The following GPR50 variants were observed in gnomAD, a reference collection of about 807,000 sequenced individuals.
The protein encoded by GPR50 is melatonin-related receptor.
A neutral mutation model predicts 2.6 loss-of-function variants in GPR50; 1 was observed. The observed-to-expected ratio is 0.38, with a 90% CI of 0.13 to 1.79. GPR50 has a LOEUF of 1.79. Ranked by LOEUF, GPR50 falls within the 40% of genes most tolerant of loss-of-function variation. The pLI is 0.33. For missense variants in GPR50, 535 were observed against 522.1 expected (o/e 1.02, Z -0.24); for synonymous variants, 233 against 202.3 (o/e 1.15, Z -1.29).
chrX:151,180,506 T>C lies in GPR50; in HGVS notation c.923T>C (p.Ile308Thr). The change falls in exon 2 of 2, where the codon ATC (isoleucine) becomes ACC (threonine). Residue 308 changes from isoleucine (I) to threonine (T), a missense_variant. Physicochemically the swap from Ile to Thr is moderately conservative, Grantham distance 89. Coordinates refer to ENST00000218316, the MANE Select transcript of GPR50 (RefSeq NM_004224.3). The stretch of plus-strand genomic sequence containing the variant: ...AATTTCCGAAGAGAATACTGGACCA[T>C]CTTCCATGCTATGCGGCACCCTATC... ...NENFRREYWT[I>T]FHAMRHPIIF... The C allele has an allele frequency of 8.3e-7, 1 of 1,211,175 alleles. No homozygotes were observed. The highest frequency in any genetic ancestry group is 1.1e-6 in the Non-Finnish European group (1 of 895,265).
Position 151,180,237 on chromosome X carries a change from C to T in GPR50, c.654C>T (p.Ala218=), listed in dbSNP as rs866898264. Residue 218 remains alanine, a synonymous_variant, in exon 2 of 2, where the codon GCC becomes GCT. Coordinates refer to ENST00000218316, the MANE Select transcript of GPR50 (RefSeq NM_004224.3). ...GGATCTGGACCAAAGTGCTGGCGGC[C>T]CGTGACCCTGCAGGGCAGAATCCTG... ...YVRIWTKVLA[A]RDPAGQNPDN... The T allele has an allele frequency of 1.7e-6, 2 of 1,206,168 alleles. No individual in the cohort carries two copies. The highest frequency in any genetic ancestry group is 2.2e-6 in the Non-Finnish European group (2 of 894,869).
chrX:151,179,723 A>T (rs781682591), intron 1 of GPR50, 48 bp from the exon 2 acceptor site: 5 of 901,956 alleles, frequency 5.5e-6, no homozygotes, highest in African/African-American at 4.1e-5. Context: ...TAAACCACTT[A>T]TTCTTCTCTG....
chrX:151,179,357 A>G (rs1394953397), intron 1 of GPR50, among the ~76,000 whole-genome samples: 1 of 110,261 alleles, frequency 9.1e-6, no homozygotes, highest in Non-Finnish European at 1.9e-5. Context: ...TTATTTAATT[A>G]TTTTTAATTT....
chrX:151,181,283 C>G lies in GPR50; in HGVS notation c.1700C>G (p.Pro567Arg). The change falls in exon 2 of 2, where the codon CCT becomes CGT. Residue 567 changes from proline to arginine, a missense_variant. Pro to Arg is a moderately radical substitution (Grantham distance 103). Coordinates refer to ENST00000218316, the MANE Select transcript of GPR50 (RefSeq NM_004224.3). ...GACCTCCCTGAGTCGGCCTCTAGCC[C>G]TGCCGCTGGGCCCACCAAGCCTGCT... ...DSDLPESASS[P>R]AAGPTKPAAS... The G allele has an allele frequency of 8.3e-7, 1 of 1,211,449 alleles. No individual in the cohort carries two copies. Among genetic ancestry groups the G allele is most frequent in the Non-Finnish European group, 1.1e-6 (1 of 895,295 alleles).
downstream of GPR50, among the ~76,000 whole-genome samples, chrX:151,182,193 G>A (rs1429795402): frequency 2.7e-5 from 3 of 111,675 alleles, no homozygotes; most frequent in Non-Finnish European, 5.6e-5. Context: ...ATGATAAGAC[G>A]TTTTTACCTT....
chrX:151,179,685 G>A (rs2048699997), intron 1 of GPR50, 86 bp from the exon 2 acceptor site: 1 of 633,045 alleles, frequency 1.6e-6, no homozygotes, highest in South Asian at 3.2e-5. Flanking sequence ...GCCTTCCCCT[G>A]CACCTTAAAT....
Position 151,179,783 on chromosome X carries a change from T to C in GPR50, c.200T>C (p.Val67Ala). ...KKLRNSGNIF[V>A]VSLSVADMLV... The stretch of plus-strand genomic sequence containing the variant: ...ATATGTTTTTCAGGCAACATCTTCG[T>C]GGTCAGTCTCTCTGTGGCCGATATG... The change falls in exon 2 of 2, where the codon GTG (valine) becomes GCG (alanine). Residue 67 changes from valine to alanine, a missense_variant. Transcript: ENST00000218316. 8.6e-7 allele frequency: 1 copy of C among 1,166,499 alleles called. No individual in the cohort carries two copies. The highest frequency in any genetic ancestry group is 1.2e-6 in the Non-Finnish European group (1 of 868,639).
At position 151,180,366 on chromosome X, in the gene GPR50, T is replaced by C. The variant is rs752087419; in HGVS notation, c.783T>C (p.Ala261=). ...CPINVLTVLV[A]VSPKEMAGKI... ...TCAACGTGCTCACTGTCTTGGTGGC[T>C]GTCAGTCCGAAGGAGATGGCAGGCA... The change falls in exon 2 of 2, where the codon GCT becomes GCC. Residue 261 remains alanine (A), a synonymous_variant. Transcript: ENST00000218316. The C allele has an allele frequency of 4.1e-6, 5 of 1,208,580 alleles. No individual in the cohort carries two copies. The highest frequency in any genetic ancestry group is 1.8e-5 in the South Asian group (1 of 56,628).
rs780617050 is a variant in GPR50 at position 151,180,250 on chromosome X, G to A, written c.667G>A (p.Gly223Arg). 4 of 1,207,093 alleles carry A rather than the reference G, an allele frequency of 3.3e-6. No individual in the cohort carries two copies. The highest frequency in any genetic ancestry group is 4.5e-6 in the Non-Finnish European group (4 of 895,029). ...TKVLAARDPA[G>R]QNPDNQLAEV... ...AGTGCTGGCGGCCCGTGACCCTGCA[G>A]GGCAGAATCCTGACAACCAACTTGC... Residue 223 changes from glycine (G) to arginine (R), a missense_variant, in exon 2 of 2, where the codon GGG (glycine) becomes AGG (arginine). Gly to Arg is a moderately radical substitution (Grantham distance 125). Transcript: ENST00000218316.
At position 151,176,721 on chromosome X, in the gene GPR50, C is replaced by G. The variant is rs2048681286; in HGVS notation, c.-1C>G. Reference sequence around the variant, plus strand: ...AGATCTTAACGATCCCCAGGAGCAACATGGGGCCCACCCTAGCGGTTCCCA... The same window carrying G: ...AGATCTTAACGATCCCCAGGAGCAAGATGGGGCCCACCCTAGCGGTTCCCA... On this transcript the variant is annotated 5_prime_UTR_variant, in exon 1 of 2. Transcript: ENST00000218316. 1 of 1,169,184 alleles carries G rather than the reference C, an allele frequency of 8.6e-7. No homozygotes were observed. The highest frequency in any genetic ancestry group is 1.8e-5 in the African/African-American group (1 of 55,299).
intron 1 of GPR50, 143 bp downstream of exon 1, chrX:151,177,051 G>A (rs1273001704): frequency 4.3e-6 from 2 of 460,898 alleles, no homozygotes; most frequent in East Asian, 3.7e-5. Flanking sequence ...CGCAAGCCTG[G>A]GGGTGGTAGT....
At chrX:151,178,728 A>G (rs547186084) in intron 1 of GPR50, among the ~76,000 whole-genome samples, 38 of 112,265 alleles carry the variant, frequency 3.4e-4, no homozygotes, top group South Asian at 1.9e-3. Context: ...GAAGTGCAAT[A>G]TTTTGCCAAA....
intron 1 of GPR50, among the ~76,000 whole-genome samples, chrX:151,178,022 A>C (rs2048690887): frequency 9.4e-6 from 1 of 106,052 alleles, no homozygotes; most frequent in South Asian, 4.2e-4. Flanking sequence ...AGGGAGGGGA[A>C]GGGGCAAAGG....
At position 151,180,402 on chromosome X, in the gene GPR50, C is replaced by A. The variant is rs755686782; in HGVS notation, c.819C>A (p.Asn273Lys). Reference sequence around the variant, plus strand: ...AGGAGATGGCAGGCAAGATCCCCAACTGGCTTTATCTTGCAGCCTACTTCA... The same window carrying A: ...AGGAGATGGCAGGCAAGATCCCCAAATGGCTTTATCTTGCAGCCTACTTCA... ...SPKEMAGKIPNWLYLAAYFIA... is the reference protein window; with the variant it reads ...SPKEMAGKIPKWLYLAAYFIA... Residue 273 changes from asparagine to lysine, a missense_variant, in exon 2 of 2, where the codon AAC becomes AAA. Coordinates refer to ENST00000218316, the MANE Select transcript of GPR50 (RefSeq NM_004224.3). The A allele has an allele frequency of 8.3e-7, 1 of 1,209,335 alleles. No individual in the cohort carries two copies. Among genetic ancestry groups the A allele is most frequent in the Non-Finnish European group, 1.1e-6 (1 of 894,887 alleles).
At position 151,180,926 on chromosome X, in the gene GPR50, C is replaced by A. The variant is rs377039209; in HGVS notation, c.1343C>A (p.Ala448Asp). ...AAGCCTGCCTCTGTCCATTTCAAGG[C>A]TGACTCTGTCCATTTCAAGGGTGAC... The part of the protein sequence containing the change: ...YPKPASVHFK[A>D]DSVHFKGDSV... The change falls in exon 2 of 2, where the codon GCT (alanine) becomes GAT (aspartate). Residue 448 changes from alanine (A) to aspartate (D), a missense_variant. Physicochemically the swap from Ala to Asp is moderately radical, Grantham distance 126. Coordinates refer to ENST00000218316, the MANE Select transcript of GPR50 (RefSeq NM_004224.3). 1 of 1,208,866 alleles carries A rather than the reference C, an allele frequency of 8.3e-7. No homozygotes were observed. Among genetic ancestry groups the A allele is most frequent in the African/African-American group, 1.8e-5 (1 of 56,758 alleles).
In GPR50 at chrX:151,176,834, C is replaced by G. The variant is rs189225995; in HGVS notation, c.113C>G (p.Thr38Ser). 2.5e-6 allele frequency: 3 copies of G among 1,203,531 alleles called. No homozygotes were observed. Among genetic ancestry groups the G allele is most frequent in the African/African-American group, 3.5e-5 (2 of 56,819 alleles). The change falls in exon 1 of 2, where the codon ACC becomes AGC. Residue 38 changes from threonine (T) to serine (S), a missense_variant. Transcript: ENST00000218316. ...IIFMFCAMVI[T>S]IVVDLIGNSM... The stretch of plus-strand genomic sequence containing the variant: ...TTTATGTTCTGCGCGATGGTTATCA[C>G]CATCGTTGTAGACCTAATCGGCAAC...
intron 1 of GPR50, among the ~76,000 whole-genome samples, chrX:151,178,384 G>C (rs1236185516): frequency 8.9e-6 from 1 of 112,887 alleles, no homozygotes; most frequent in South Asian, 3.6e-4. Flanking sequence ...CCCGCGGTGC[G>C]GTCCCGAGGT....
chrX:151,181,323 G>A lies in GPR50; in HGVS notation c.1740G>A (p.Glu580=). The A allele has an allele frequency of 8.3e-7, 1 of 1,209,321 alleles. No homozygotes were observed. Among genetic ancestry groups the A allele is most frequent in the East Asian group, 3.0e-5 (1 of 33,844 alleles). ...GPTKPAASQL[E]SDTIADLPDP... ...CCAAGCCTGCTGCCAGCCAGCTGGA[G>A]TCTGACACCATCGCTGACCTTCCTG... Residue 580 remains glutamate (E), a synonymous_variant, in exon 2 of 2, where the codon GAG becomes GAA. Transcript: ENST00000218316.
rs1406521937 is a variant in GPR50, at chrX:151,176,710, C to T, written c.-12C>T. On this transcript the variant is annotated 5_prime_UTR_variant, in exon 1 of 2. Transcript: ENST00000218316. ...AGCCTGCTGGGAGATCTTAACGATC[C>T]CCAGGAGCAACATGGGGCCCACCCT... 2 of 1,149,026 alleles carry T rather than the reference C, an allele frequency of 1.7e-6. No individual in the cohort carries two copies. Among genetic ancestry groups the T allele is most frequent in the African/African-American group, 1.8e-5 (1 of 54,774 alleles). The allele number at this position is 1,149,026 out of a possible 1,213,427, so 94.7% of individuals were successfully genotyped here.
Sources: gnomAD v4.1 joint callset for allele counts (sites outside exome capture counted in the v4.1 genomes callset) on GRCh38, gnomAD v4.1.1 for gene constraint, MANE v1.5 for transcripts, NCBI Gene and HGNC (gene_info 2026-07-23, HGNC 2026-07-21) for gene names.